Variants in RPTOR observed in about 807,000 individuals in gnomAD.
RPTOR encodes the protein regulatory associated protein of MTOR complex 1, also known as regulatory-associated protein of mTOR.
In RPTOR, 21 loss-of-function variants were observed where a neutral mutation model predicts 169.9. The observed-to-expected ratio is 0.12, with a 90% CI of 0.09 to 0.18. RPTOR has a LOEUF of 0.18. Ranked by LOEUF, RPTOR falls within the 10% of genes least tolerant of loss-of-function variation. The probability of loss-of-function intolerance (pLI) is 1.00; values close to 1 mark genes in which losing one functional copy is unlikely to be tolerated. For synonymous variants in RPTOR, 732 were observed against 753.2 expected (o/e 0.97, Z 0.46); for missense variants, 1,133 against 1,855.9 (o/e 0.61, Z 7.16).
Position 80,962,780 on chromosome 17 carries a change from CAG to C in RPTOR, c.3810-147_3810-146del. On this transcript the variant is annotated intron_variant, in intron 32 of 33. Transcript: ENST00000306801. The stretch of plus-strand genomic sequence containing the variant: ...CAGGGCCCTGCCAGGCCCGAGTCCT[CAG>C]TGAGAGTGACCAGAGGGTCACACCT... The C allele has an allele frequency of 4.3e-6, 6 of 1,407,122 alleles. No individual in the cohort carries two copies. In the South Asian group the frequency reaches 8.2e-5, roughly 19 times the overall value. 87.2% of individuals were successfully genotyped at this position (1,407,122 alleles called of 1,614,324 possible). A position where few individuals can be genotyped will look rare whatever the true frequency, so the allele number is the denominator to read the frequency against.
intron 3 of RPTOR, among the ~76,000 whole-genome samples, chr17:80,705,235 G>C (rs1473134663): frequency 1.3e-5 from 2 of 152,282 alleles, no homozygotes; most frequent in Admixed American, 6.5e-5. Context: ...TCTCTCTCAA[G>C]TCTCCTTCGT....
At chr17:80,814,254 G>A (rs1451769751) in intron 7 of RPTOR, among the ~76,000 whole-genome samples, 5 of 152,014 alleles carry the variant, frequency 3.3e-5, no homozygotes, top group Admixed American at 1.3e-4. Flanking sequence ...CCTTTAATAC[G>A]TAAATTGTAT....
At position 80,823,081 on chromosome 17, in the gene RPTOR, C is replaced by G. The variant is rs751875538; in HGVS notation, c.994C>G (p.Leu332Val). The G allele has an allele frequency of 2.5e-6, 4 of 1,613,988 alleles. No homozygotes were observed. The highest frequency in any genetic ancestry group is 1.3e-5 in the African/African-American group (1 of 74,930). Residue 332 changes from leucine to valine, a missense_variant and splice_region_variant, in exon 9 of 34, where the codon CTC becomes GTC. Leu to Val is a conservative substitution (Grantham distance 32, BLOSUM62 1). This residue lies in a region of RPTOR where 289 missense variants were observed against 585.8 expected (regional missense o/e 0.49). Coordinates refer to ENST00000306801, the MANE Select transcript of RPTOR (RefSeq NM_020761.3). The surrounding 1 kb of genome is among the most constrained non-coding windows in gnomAD (Gnocchi z 4.5). ...TIAWNVLPRD[L>V]FQKLFRQDLL... ...TTTTATCTTTTATCTGCCCTCAGAT[C>G]TCTTCCAAAAGCTCTTCAGACAGGA...
At chr17:80,927,600 G>A (rs1464041031) in intron 24 of RPTOR, among the ~76,000 whole-genome samples, 1 of 34,792 alleles carries the variant, frequency 2.9e-5, no homozygotes, top group South Asian at 5.6e-4. Context: ...GTGGAAGGCC[G>A]TGTGTGTGTC....
At chr17:80,825,050 TA>T (rs2067424248) in intron 9 of RPTOR, among the ~76,000 whole-genome samples, 4 of 77,638 alleles carry the variant, frequency 5.2e-5, no homozygotes, top group African/African-American at 2.0e-4. Context: ...GCGAGGCCAG[TA>T]TGGGGCAGCC....
chr17:80,870,664 G>C (rs1396534344), intron 13 of RPTOR, among the ~76,000 whole-genome samples: 1 of 152,260 alleles, frequency 6.6e-6, no homozygotes, highest in Non-Finnish European at 1.5e-5. Context: ...CAGTGCCCTG[G>C]TGGGGGCTAG....
At chr17:80,675,079 G>T (rs1457119898) in intron 3 of RPTOR, among the ~76,000 whole-genome samples, 2 of 152,164 alleles carry the variant, frequency 1.3e-5, no homozygotes, top group Non-Finnish European at 1.5e-5. Context: ...CAGATTCTTT[G>T]TTCAGCTATG....
rs2065215480 is a variant in RPTOR, at chr17:80,604,699, G to A, written c.163-20992G>A. Reference sequence around the variant, plus strand: ...AATCATGGCAGAAGGTGAATGAGGAGCAAAGTCGCGTCTCACATGGTGGCA... The same window carrying A: ...AATCATGGCAGAAGGTGAATGAGGAACAAAGTCGCGTCTCACATGGTGGCA... On this transcript the variant is annotated intron_variant, in intron 1 of 33. Coordinates refer to ENST00000306801, the MANE Select transcript of RPTOR (RefSeq NM_020761.3). Among the ~76,000 whole-genome samples, 4 of 152,332 alleles carry A rather than the reference G, an allele frequency of 2.6e-5. No individual in the cohort carries two copies. In the South Asian group the frequency reaches 8.3e-4, roughly 32 times the overall value.
At chr17:80,634,419 CCGTGTG>C (rs2065475901) in intron 2 of RPTOR, among the ~76,000 whole-genome samples, 4 of 81,708 alleles carry the variant, frequency 4.9e-5, no homozygotes, top group Admixed American at 1.4e-4. Flanking sequence ...TGTGTGCATA[CCGTGTG>C]TGTGTGCATA....
At chr17:80,631,900 G>T (rs2065445180) in intron 2 of RPTOR, among the ~76,000 whole-genome samples, 1 of 152,130 alleles carries the variant, frequency 6.6e-6, no homozygotes, top group Non-Finnish European at 1.5e-5. Context: ...GATTGTGCCA[G>T]TGCATTCCAG....
intron 13 of RPTOR, among the ~76,000 whole-genome samples, chr17:80,865,874 C>T (rs993504283): frequency 2.0e-5 from 3 of 152,000 alleles, no homozygotes; most frequent in South Asian, 2.1e-4. Context: ...ACGATAGGCC[C>T]GACCCTTGGC....
Position 80,730,750 on chromosome 17 carries a change from GT to G in RPTOR, c.654+48del. ...GGAGAGCGGTGCTGGGTTTGGTTTT[GT>G]TTTCCCTGGGGGTGGGGTTTGGGTG... is the stretch of plus-strand genomic sequence containing the variant. On this transcript the variant is annotated intron_variant, in intron 5 of 33. Transcript: ENST00000306801. This position sits in a 1 kb window ranked among gnomAD's most constrained non-coding sequence, Gnocchi z 4.2. The G allele has an allele frequency of 4.4e-5, 24 of 550,976 alleles. No homozygotes were observed. The highest frequency in any genetic ancestry group is 5.9e-5 in the Non-Finnish European group (18 of 305,540). The allele number at this position is 550,976 out of a possible 1,614,324, so 34.1% of individuals were successfully genotyped here. A position where few individuals can be genotyped will look rare whatever the true frequency, so the allele number is the denominator to read the frequency against.
chr17:80,757,852 G>T (rs2066696558), intron 6 of RPTOR, among the ~76,000 whole-genome samples: 1 of 151,934 alleles, frequency 6.6e-6, no homozygotes, highest in African/African-American at 2.4e-5. Flanking sequence ...AGTCTTCCAG[G>T]ATATTGTAGG....
At chr17:80,944,685 A>G (rs1422808938) in intron 25 of RPTOR, among the ~76,000 whole-genome samples, 1 of 152,168 alleles carries the variant, frequency 6.6e-6, no homozygotes, top group Non-Finnish European at 1.5e-5. Flanking sequence ...CGTCGTGAAT[A>G]TTTATTGTAA....
At chr17:80,724,912 G>C (rs1193889485) in intron 4 of RPTOR, among the ~76,000 whole-genome samples, 1 of 152,216 alleles carries the variant, frequency 6.6e-6, no homozygotes, top group Non-Finnish European at 1.5e-5. Flanking sequence ...ATGCAAACTT[G>C]CTGAGGCCAG....
intron 18 of RPTOR, 119 bp downstream of exon 18, chr17:80,891,956 G>T (rs1203687369): frequency 1.7e-6 from 1 of 593,550 alleles, no homozygotes; most frequent in South Asian, 2.6e-5. Context: ...GATACCTGCC[G>T]CAAGGGGTCC....
chr17:80,673,036 C>T (rs1006454821), intron 3 of RPTOR, among the ~76,000 whole-genome samples: 1 of 152,210 alleles, frequency 6.6e-6, no homozygotes, highest in East Asian at 2.0e-4. Context: ...AAGCGAGTCT[C>T]ATGCCTCAGC....
chr17:80,835,135 T>A (rs1304766595), intron 9 of RPTOR, among the ~76,000 whole-genome samples: 1 of 152,192 alleles, frequency 6.6e-6, no homozygotes, highest in East Asian at 1.9e-4. Context: ...TTCTTAACTC[T>A]GTTGGCAGGG....
intron 5 of RPTOR, among the ~76,000 whole-genome samples, chr17:80,734,306 G>A (rs1006987650): frequency 2.4e-4 from 36 of 152,240 alleles, no homozygotes; most frequent in African/African-American, 7.5e-4. Context: ...TCAGCCGATC[G>A]TGCCTGTGGC....
Sources: allele counts gnomAD v4.1 joint callset (sites outside exome capture counted in the v4.1 genomes callset), GRCh38; gene constraint gnomAD v4.1.1; regional missense constraint gnomAD v4.1.1; non-coding constraint Gnocchi (gnomAD v3.1); transcripts MANE v1.5; gene names NCBI Gene and HGNC (gene_info 2026-07-23, HGNC 2026-07-21).